UEVLD: variants seen among roughly 807,000 people sequenced by gnomAD.
UEVLD encodes the protein UEV and lactate/malate dehyrogenase domains.
A neutral mutation model predicts 58.6 loss-of-function variants in UEVLD; 47 were observed. The observed-to-expected ratio is 0.80, with a 90% CI of 0.63 to 1.02. The LOEUF (loss-of-function observed/expected upper bound fraction) is 1.02, where lower values mean the gene tolerates loss of function less well. Among genes scored for constraint, UEVLD ranks in the 50% least tolerant of loss-of-function variants. UEVLD has a pLI of 0.00. For missense variants in UEVLD, 510 were observed against 550.6 expected, an observed-to-expected ratio of 0.93 and a Z score of 0.74; for synonymous variants, 197 against 195.3, an observed-to-expected ratio of 1.01 and a Z score of -0.07.
At chr11:18,536,677 T>G (rs1413522671) in intron 9 of UEVLD, 1 of 501,842 alleles carries the variant, frequency 2.0e-6, no homozygotes, top group East Asian at 3.6e-5. Context: ...ACAAAAAACA[T>G]GATCCCCAAA....
At chr11:18,547,100 A>G (rs769273375) in intron 7 of UEVLD, 50 bp from the exon 8 acceptor site, 1 of 1,554,514 alleles carries the variant, frequency 6.4e-7, no homozygotes, top group South Asian at 1.2e-5. Flanking sequence ...GCTTTAATCA[A>G]GTTCTAGTTC....
At chr11:18,534,487 CATAAA>C in intron 10 of UEVLD, 34 bp from the exon 11 acceptor site, 1 of 1,546,164 alleles carries the variant, frequency 6.5e-7, no homozygotes, top group Non-Finnish European at 8.6e-7. Context: ...TCAGAAAATG[CATAAA>C]ATATGCACAT....
In UEVLD at chr11:18,558,208, T is replaced by C. The variant is rs1210198714; in HGVS notation, c.715+20A>G. The C allele has an allele frequency of 6.3e-7, 1 of 1,587,830 alleles. No individual in the cohort carries two copies. The highest frequency in any genetic ancestry group is 1.7e-5 in the Admixed American group (1 of 57,530). On this transcript the variant is annotated intron_variant, in intron 7 of 11. Coordinates refer to ENST00000396197, the MANE Select transcript of UEVLD (RefSeq NM_001040697.4). ...ATGAAGATCTAATAAGGCATACATCTTTAAGCAGAATAAACAGACCTTTGC... is the reference window on the plus strand; with the variant it reads ...ATGAAGATCTAATAAGGCATACATCCTTAAGCAGAATAAACAGACCTTTGC...
chr11:18,583,656 A>G (rs1331711698), intron 1 of UEVLD, among the ~76,000 whole-genome samples: 2 of 119,358 alleles, frequency 1.7e-5, no homozygotes, highest in Non-Finnish European at 3.5e-5. Flanking sequence ...GTCCAGTATT[A>G]CTTTTTTTTT....
intron 5 of UEVLD, among the ~76,000 whole-genome samples, chr11:18,565,726 G>A (rs1370616619): frequency 6.6e-6 from 1 of 151,966 alleles, no homozygotes; most frequent in African/African-American, 2.4e-5. Context: ...GGATGAAGCA[G>A]GGGAATCGCT....
At chr11:18,543,171 G>A (rs1029961275) in intron 9 of UEVLD, among the ~76,000 whole-genome samples, 2 of 152,082 alleles carry the variant, frequency 1.3e-5, no homozygotes, top group East Asian at 1.9e-4. Flanking sequence ...GACTACAGGC[G>A]TGAGCCACCA....
At chr11:18,534,585 T>C in intron 10 of UEVLD, 132 bp from the exon 11 acceptor site, 1 of 914,364 alleles carries the variant, frequency 1.1e-6, no homozygotes, top group South Asian at 2.0e-5. Flanking sequence ...TAGGGAAGCC[T>C]ATAGATAATC....
chr11:18,542,890 C>CTTTTTTTTTTTTTTTTTTTT (rs890676886), intron 9 of UEVLD, among the ~76,000 whole-genome samples: 5 of 125,902 alleles, frequency 4.0e-5, no homozygotes, highest in Non-Finnish European at 3.2e-5. Flanking sequence ...CTTTTCTTTT[C>CTTTTTTTTTTTTTTTTTTTT]TTTTTTTTTT....
chr11:18,584,031 G>A (rs1853408888), intron 1 of UEVLD, among the ~76,000 whole-genome samples: 1 of 152,120 alleles, frequency 6.6e-6, no homozygotes, highest in South Asian at 2.1e-4. Flanking sequence ...GCAGAAAATA[G>A]GAATTAGGGA....
intron 3 of UEVLD, among the ~76,000 whole-genome samples, 195 bp downstream of exon 3, chr11:18,575,148 TAGTA>T (rs1314191098): frequency 1.3e-5 from 2 of 152,186 alleles, no homozygotes; most frequent in Non-Finnish European, 2.9e-5. Context: ...ATCTAGTTGA[TAGTA>T]AGTATTTGTT....
chr11:18,557,702 T>A (rs1359510717), intron 7 of UEVLD, among the ~76,000 whole-genome samples: 3 of 152,274 alleles, frequency 2.0e-5, no homozygotes, highest in African/African-American at 7.2e-5. Flanking sequence ...TAGCTGGGAC[T>A]ACAGTCATGA....
At chr11:18,558,357 A>G in intron 6 of UEVLD, 27 bp from the exon 7 acceptor site, 1 of 1,482,614 alleles carries the variant, frequency 6.7e-7, no homozygotes. Context: ...AGAACATTAC[A>G]CTGAACATGG....
chr11:18,557,918 T>C (rs1851829506), intron 7 of UEVLD, among the ~76,000 whole-genome samples: 2 of 152,188 alleles, frequency 1.3e-5, no homozygotes, highest in South Asian at 4.1e-4. Context: ...TTAACCAATA[T>C]ATTCTAAGAA....
chr11:18,547,857 T>C (rs1851367815), intron 7 of UEVLD, among the ~76,000 whole-genome samples: 1 of 152,080 alleles, frequency 6.6e-6, no homozygotes. Flanking sequence ...TTTTTAAAAA[T>C]CTGTTTTACT....
intron 1 of UEVLD, among the ~76,000 whole-genome samples, chr11:18,587,292 G>A (rs11024725): frequency 0.11 from 17,085 of 152,158 alleles, 1,225 homozygotes; most frequent in South Asian, 0.23. Context: ...GCTCTGAAGA[G>A]GAGACAGAAA....
At position 18,530,726 on chromosome 11, in the gene UEVLD, C is replaced by CTT. The variant is rs59281820; in HGVS notation, c.*1592_*1593dup. 1.7e-3 allele frequency: 233 copies of CTT among 135,480 alleles called. 2 individuals are homozygous for CTT. The highest frequency in any genetic ancestry group is 4.6e-3 in the African/African-American group (165 of 35,936). The allele number at this position is 135,480 out of a possible 1,614,324, so 8.4% of individuals were successfully genotyped here. A position where few individuals can be genotyped will look rare whatever the true frequency, so the allele number is the denominator to read the frequency against. Reference sequence around the variant, plus strand: ...TCACCACACCTGGCTAATTTTTAAACTTTTTTTTTTTTTTTTTGAGACGGA... The same window carrying CTT: ...TCACCACACCTGGCTAATTTTTAAACTTTTTTTTTTTTTTTTTTTGAGACGGA... On this transcript the variant is annotated 3_prime_UTR_variant, in exon 12 of 12. Coordinates refer to ENST00000396197, the MANE Select transcript of UEVLD (RefSeq NM_001040697.4).
intron 9 of UEVLD, 148 bp downstream of exon 9, chr11:18,544,474 AT>A (rs3837379): frequency 1.3e-6 from 1 of 790,196 alleles, no homozygotes; most frequent in African/African-American, 1.8e-5. Context: ...TGCCTGGCTA[AT>A]TTTTTATCTT....
intron 7 of UEVLD, among the ~76,000 whole-genome samples, chr11:18,549,486 T>G (rs567674710): frequency 1.3e-5 from 2 of 152,238 alleles, no homozygotes; most frequent in East Asian, 3.9e-4. Flanking sequence ...GTATGCAATC[T>G]CAGCTCACTG....
At chr11:18,585,168 G>T (rs527286506) in intron 1 of UEVLD, among the ~76,000 whole-genome samples, 2 of 152,116 alleles carry the variant, frequency 1.3e-5, no homozygotes, top group Admixed American at 6.6e-5. Flanking sequence ...TGAGATTACA[G>T]GTGTGAGCCA....
Sources: gnomAD v4.1 joint callset for allele counts (sites outside exome capture counted in the v4.1 genomes callset) on GRCh38, gnomAD v4.1.1 for gene constraint, MANE v1.5 for transcripts, NCBI Gene and HGNC (gene_info 2026-07-23, HGNC 2026-07-21) for gene names.